Variants in FBXL7 observed in about 807,000 individuals in gnomAD.
FBXL7 encodes the protein F-box/LRR-repeat protein 7.
In FBXL7, 12 loss-of-function variants were observed where a neutral mutation model predicts 38.3. The observed-to-expected ratio is 0.31, with a 90% CI of 0.20 to 0.51. FBXL7 has a LOEUF of 0.51. FBXL7 is among the 20% of genes least tolerant of loss of function. The probability of loss-of-function intolerance (pLI) is 0.98; values close to 1 mark genes in which losing one functional copy is unlikely to be tolerated. For missense variants in FBXL7, 567 were observed against 676.4 expected (o/e 0.84, Z 1.79); for synonymous variants, 297 against 300.9 (o/e 0.99, Z 0.13).
intron 1 of FBXL7, among the ~76,000 whole-genome samples, chr5:15,532,400 C>T (rs368344289): frequency 2.9e-4 from 44 of 152,334 alleles, no homozygotes; most frequent in East Asian, 2.1e-3. Flanking sequence ...CTCTTTCAAC[C>T]GCATCTGTTA....
intron 2 of FBXL7, among the ~76,000 whole-genome samples, chr5:15,641,028 C>T (rs1205373671): frequency 1.3e-5 from 2 of 152,210 alleles, no homozygotes; most frequent in African/African-American, 4.8e-5. Context: ...TAGTCCCACG[C>T]TGGGATTTAC....
chr5:15,621,657 C>A (rs920505610), intron 2 of FBXL7, among the ~76,000 whole-genome samples: 1 of 152,136 alleles, frequency 6.6e-6, no homozygotes, highest in Non-Finnish European at 1.5e-5. Context: ...GTGGCTCAGT[C>A]TTTTCTGGAG....
At chr5:15,899,732 T>C (rs929009666) in intron 2 of FBXL7, among the ~76,000 whole-genome samples, 1 of 151,976 alleles carries the variant, frequency 6.6e-6, no homozygotes, top group Non-Finnish European at 1.5e-5. Flanking sequence ...AGACCCATAA[T>C]CTAAATCATT....
At chr5:15,898,770 T>G (rs1267871284) in intron 2 of FBXL7, among the ~76,000 whole-genome samples, 5 of 152,204 alleles carry the variant, frequency 3.3e-5, no homozygotes, top group Non-Finnish European at 7.4e-5. Flanking sequence ...CAGAGCTGTG[T>G]TATGAACCCA....
At chr5:15,611,217 C>A (rs1180383921) in intron 1 of FBXL7, among the ~76,000 whole-genome samples, 1 of 151,984 alleles carries the variant, frequency 6.6e-6, no homozygotes, top group African/African-American at 2.4e-5. Context: ...CAACACACAC[C>A]TTCCCATATA....
chr5:15,771,696 C>T (rs533276429), intron 2 of FBXL7, among the ~76,000 whole-genome samples: 7 of 151,968 alleles, frequency 4.6e-5, no homozygotes, highest in Non-Finnish European at 7.4e-5. Context: ...ATGTTTGCTA[C>T]CTCTTTGAAC....
At chr5:15,636,101 GT>G (rs199871218) in intron 2 of FBXL7, among the ~76,000 whole-genome samples, 22,069 of 140,746 alleles carry the variant, frequency 0.16, 1,889 homozygotes, top group East Asian at 0.43. Context: ...TTGTATATCT[GT>G]TTTTTTTTTT....
chr5:15,764,543 G>A (rs1736534619), intron 2 of FBXL7, among the ~76,000 whole-genome samples: 2 of 152,146 alleles, frequency 1.3e-5, no homozygotes, highest in African/African-American at 2.4e-5. Flanking sequence ...TGATGAGGAG[G>A]GATAGGAGTT....
At chr5:15,523,839 T>C (rs748508668) in intron 1 of FBXL7, among the ~76,000 whole-genome samples, 1 of 152,084 alleles carries the variant, frequency 6.6e-6, no homozygotes, top group Non-Finnish European at 1.5e-5. Flanking sequence ...CCAGCTGCAG[T>C]TGAGTCTGGG....
At chr5:15,802,354 A>G (rs528849188) in intron 2 of FBXL7, among the ~76,000 whole-genome samples, 3 of 152,260 alleles carry the variant, frequency 2.0e-5, no homozygotes, top group Middle Eastern at 3.4e-3. Flanking sequence ...CTGCATGGCC[A>G]AGTAGGGTCT....
At chr5:15,564,704 G>A (rs911990562) in intron 1 of FBXL7, among the ~76,000 whole-genome samples, 6 of 151,888 alleles carry the variant, frequency 4.0e-5, no homozygotes, top group African/African-American at 1.2e-4. Flanking sequence ...CCAGTATCCC[G>A]GATGCCAAAT....
intron 1 of FBXL7, among the ~76,000 whole-genome samples, chr5:15,545,061 C>CCCTG (rs1737861762): frequency 6.6e-6 from 1 of 152,172 alleles, no homozygotes; most frequent in Non-Finnish European, 1.5e-5. Context: ...GGTGCTGTCT[C>CCCTG]CCTGCCTTAT....
At chr5:15,545,150 C>A (rs910486912) in intron 1 of FBXL7, among the ~76,000 whole-genome samples, 2 of 152,176 alleles carry the variant, frequency 1.3e-5, no homozygotes, top group Non-Finnish European at 2.9e-5. Context: ...TCTCAATGCT[C>A]ACATTGGACC....
intron 2 of FBXL7, among the ~76,000 whole-genome samples, chr5:15,844,880 A>G (rs1361733566): frequency 1.3e-5 from 2 of 152,202 alleles, no homozygotes; most frequent in African/African-American, 4.8e-5. Flanking sequence ...TCCTCTCCCT[A>G]AAAACAGACT....
At chr5:15,827,231 T>C (rs1055399246) in intron 2 of FBXL7, among the ~76,000 whole-genome samples, 1 of 152,158 alleles carries the variant, frequency 6.6e-6, no homozygotes, top group Non-Finnish European at 1.5e-5. Context: ...ATGTGGTTTT[T>C]TTTGTCTGTT....
At chr5:15,881,484 T>C (rs1418369266) in intron 2 of FBXL7, among the ~76,000 whole-genome samples, 1 of 152,222 alleles carries the variant, frequency 6.6e-6, no homozygotes, top group Non-Finnish European at 1.5e-5. Context: ...CTGCTATAAA[T>C]ATGCATGTGC....
At chr5:15,792,721 C>T (rs1271074674) in intron 2 of FBXL7, among the ~76,000 whole-genome samples, 3 of 152,176 alleles carry the variant, frequency 2.0e-5, no homozygotes, top group Non-Finnish European at 4.4e-5. Flanking sequence ...CTATCATCAA[C>T]TCAGCTACAG....
intron 2 of FBXL7, among the ~76,000 whole-genome samples, chr5:15,671,588 G>T (rs1742479789): frequency 6.6e-6 from 1 of 152,210 alleles, no homozygotes; most frequent in Admixed American, 6.5e-5. Context: ...GAGAAGCAAT[G>T]ACTTTGTTTT....
chr5:15,532,453 A>G (rs1164394428), intron 1 of FBXL7, among the ~76,000 whole-genome samples: 1 of 152,236 alleles, frequency 6.6e-6, no homozygotes, highest in Non-Finnish European at 1.5e-5. Flanking sequence ...TTCTAAGATG[A>G]TTCCATGAGA....
Sources: gnomAD v4.1 joint callset for allele counts (sites outside exome capture counted in the v4.1 genomes callset) on GRCh38, gnomAD v4.1.1 for gene constraint, MANE v1.5 for transcripts, NCBI Gene and HGNC (gene_info 2026-07-23, HGNC 2026-07-21) for gene names.